The following AGPAT3 variants were observed in gnomAD, a reference collection of about 807,000 sequenced individuals.
AGPAT3 encodes the protein 1-acylglycerol-3-phosphate O-acyltransferase 3, also known as 1-acyl-sn-glycerol-3-phosphate acyltransferase gamma.
Under a neutral mutation model 47.3 loss-of-function variants are expected in AGPAT3, and 5 were observed. The observed-to-expected ratio is 0.11, with a 90% CI of 0.06 to 0.22. AGPAT3 has a LOEUF of 0.22. Ranked by LOEUF, AGPAT3 falls within the 10% of genes least tolerant of loss-of-function variation. The pLI is 1.00. For missense variants in AGPAT3, 315 were observed against 493.0 expected (o/e 0.64, Z 3.42); for synonymous variants, 212 against 208.3 (o/e 1.02, Z -0.15).
In AGPAT3 at chr21:43,952,461, T is replaced by C. The variant is rs902881104; in HGVS notation, c.-48-7173T>C. On this transcript the variant is annotated intron_variant, in intron 2 of 9. Transcript: ENST00000291572. This position sits in a 1 kb window ranked among gnomAD's most constrained non-coding sequence, Gnocchi z 5.6. Reference sequence around the variant, plus strand: ...AGAATTGGGTGTGGGCGTGTGGGGCTGGGCTCTGATTGGCAAGCAGTGCTC... The same window carrying C: ...AGAATTGGGTGTGGGCGTGTGGGGCCGGGCTCTGATTGGCAAGCAGTGCTC... Among the ~76,000 whole-genome samples, 4 of 152,184 alleles carry C rather than the reference T, an allele frequency of 2.6e-5. No individual in the cohort carries two copies. The highest frequency in any genetic ancestry group is 9.7e-5 in the African/African-American group (4 of 41,434).
chr21:43,894,221 T>C (rs184041620), intron 1 of AGPAT3, among the ~76,000 whole-genome samples: 2,315 of 148,440 alleles, frequency 0.016, 43 homozygotes, highest in Admixed American at 0.051. Context: ...TTCTTTCTTT[T>C]TTTTTTTTTT....
chr21:43,917,590 C>A (rs1405246723), intron 2 of AGPAT3, among the ~76,000 whole-genome samples: 4 of 152,068 alleles, frequency 2.6e-5, no homozygotes, highest in Admixed American at 2.6e-4. Context: ...CCAAAGCTAG[C>A]TTAGGGGAAG....
intron 1 of AGPAT3, among the ~76,000 whole-genome samples, chr21:43,893,410 T>C (rs2086142736): frequency 6.6e-6 from 1 of 152,218 alleles, no homozygotes; most frequent in South Asian, 2.1e-4. Flanking sequence ...CACTCGAACT[T>C]TCTCCATATC....
chr21:43,933,623 G>T lies in AGPAT3; in HGVS notation c.-48-26011G>T, dbSNP rs1198153244. ...TTTCTTTATGGTTGAGGAAACTGAG[G>T]CACAGCTTGGAAGCGGTTGGCACTG... is the stretch of plus-strand genomic sequence containing the variant. On this transcript the variant is annotated intron_variant, in intron 2 of 9. Transcript: ENST00000291572. This position sits in a 1 kb window ranked among gnomAD's most constrained non-coding sequence, Gnocchi z 6.0. 6.6e-6 allele frequency among the ~76,000 whole-genome samples: 1 copy of T among 152,054 alleles called. No individual in the cohort carries two copies. The highest frequency in any genetic ancestry group is 1.9e-4 in the East Asian group (1 of 5,198).
Position 43,883,301 on chromosome 21 carries a change from C to A in AGPAT3, c.-112+17956C>A, listed in dbSNP as rs146413252. Reference sequence around the variant, plus strand: ...AGCCCAGAGTCCATGGTGCTGTGGCCTCCTGCCCACTCTGGGACCCCAGGG... The same window carrying A: ...AGCCCAGAGTCCATGGTGCTGTGGCATCCTGCCCACTCTGGGACCCCAGGG... On this transcript the variant is annotated intron_variant, in intron 1 of 9. Coordinates refer to ENST00000291572, the MANE Select transcript of AGPAT3 (RefSeq NM_020132.5). Among the ~76,000 whole-genome samples the A allele has an allele frequency of 2.5e-4, 38 of 152,370 alleles. No individual in the cohort carries two copies. The East Asian group carries it at 6.4e-3, about 26-fold the overall frequency.
At chr21:43,960,801 G>A (rs935791621) in intron 3 of AGPAT3, 2 of 982,478 alleles carry the variant, frequency 2.0e-6, no homozygotes, top group Admixed American at 1.2e-4. Flanking sequence ...TTCATTTTGT[G>A]TCTTAAGAAA....
chr21:43,902,208 C>T (rs555835772), intron 1 of AGPAT3, among the ~76,000 whole-genome samples: 1 of 152,272 alleles, frequency 6.6e-6, no homozygotes, highest in East Asian at 1.9e-4. Flanking sequence ...GGTTTCTGAT[C>T]AGAAACTATA....
chr21:43,965,321 TTTTGAACTCACTGCCA>T (rs1211027568), intron 3 of AGPAT3: 1 of 152,330 alleles, frequency 6.6e-6, no homozygotes, highest in Non-Finnish European at 1.5e-5. Context: ...TTGCTGCCCA[TTTTGAACTCACTGCCA>T]GTGTGTCTCT....
intron 3 of AGPAT3, chr21:43,964,946 T>A (rs1033830484): frequency 6.2e-6 from 1 of 160,876 alleles, no homozygotes; most frequent in African/African-American, 2.4e-5. Flanking sequence ...TGTTTGTTTT[T>A]GAGACAGGGT....
Position 43,959,625 on chromosome 21 carries a change from T to C in AGPAT3, c.-48-9T>C, listed in dbSNP as rs1294341329. 6.2e-7 allele frequency: 1 copy of C among 1,603,138 alleles called. No individual in the cohort carries two copies. Among genetic ancestry groups the C allele is most frequent in the Non-Finnish European group, 8.5e-7 (1 of 1,179,286 alleles). ...CACCCTGACGCTGTCCCTGTCCCTG[T>C]CTTTGCAGGACGGCTGTCCTCAGCG... On this transcript the variant is annotated splice_polypyrimidine_tract_variant and intron_variant, in intron 2 of 9. Transcript: ENST00000291572.
Position 43,886,028 on chromosome 21 carries a change from C to T in AGPAT3, c.-111-17929C>T, listed in dbSNP as rs548777795. 2.6e-5 allele frequency among the ~76,000 whole-genome samples: 4 copies of T among 152,330 alleles called. No individual in the cohort carries two copies. The East Asian group carries it at 7.7e-4, about 29-fold the overall frequency. On this transcript the variant is annotated intron_variant, in intron 1 of 9. Transcript: ENST00000291572. Reference sequence around the variant, plus strand: ...TTGCAAAGCCGGGGCAGCGACATGGCAATCGTGATGCCATAGGAAGCCGAA... The same window carrying T: ...TTGCAAAGCCGGGGCAGCGACATGGTAATCGTGATGCCATAGGAAGCCGAA...
chr21:43,952,854 C>T lies in AGPAT3; in HGVS notation c.-48-6780C>T, dbSNP rs968227104. Among the ~76,000 whole-genome samples the T allele has an allele frequency of 4.6e-5, 7 of 151,956 alleles. No homozygotes were observed. The highest frequency in any genetic ancestry group is 1.7e-4 in the African/African-American group (7 of 41,376). On this transcript the variant is annotated intron_variant, in intron 2 of 9. Transcript: ENST00000291572. This position sits in a 1 kb window ranked among gnomAD's most constrained non-coding sequence, Gnocchi z 5.6. ...AGAAATCAGATGGAGCCCCAGAGGT[C>T]CCACCCCTGAGGTCCCACCCTGTGT...
chr21:43,895,772 C>T (rs895636923), intron 1 of AGPAT3, among the ~76,000 whole-genome samples: 2 of 151,420 alleles, frequency 1.3e-5, no homozygotes, highest in African/African-American at 2.4e-5. Flanking sequence ...CTTTGTTTTT[C>T]GTGGGTTTTT....
chr21:43,953,958 G>A (rs1320524306), intron 2 of AGPAT3, among the ~76,000 whole-genome samples: 1 of 152,198 alleles, frequency 6.6e-6, no homozygotes, highest in Non-Finnish European at 1.5e-5. Context: ...TGATGGCATC[G>A]CTGCCCTCCA....
At chr21:43,891,955 TC>T (rs2086111802) in intron 1 of AGPAT3, among the ~76,000 whole-genome samples, 1 of 152,184 alleles carries the variant, frequency 6.6e-6, no homozygotes, top group African/African-American at 2.4e-5. Flanking sequence ...GGAATCACTA[TC>T]CATGGCAGCT....
Position 43,984,346 on chromosome 21 carries a change from A to G in AGPAT3, c.*1954A>G, listed in dbSNP as rs1601497982. 6.6e-6 allele frequency: 1 copy of G among 152,452 alleles called. No individual in the cohort carries two copies. The highest frequency in any genetic ancestry group is 1.9e-4 in the East Asian group (1 of 5,182). 9.4% of individuals were successfully genotyped at this position (152,452 alleles called of 1,614,324 possible). On this transcript the variant is annotated 3_prime_UTR_variant, in exon 10 of 10. Transcript: ENST00000291572. ...CTCCATGTGTGTTTAGATCCATGCC[A>G]TTCACTGACTCACTAACACCTGCAA...
At position 43,911,984 on chromosome 21, in the gene AGPAT3, C is replaced by T. The variant is rs897896569; in HGVS notation, c.-49+7965C>T. On this transcript the variant is annotated intron_variant, in intron 2 of 9. Coordinates refer to ENST00000291572, the MANE Select transcript of AGPAT3 (RefSeq NM_020132.5). ...CTGGAGCTTCCAGGCTGGGCCCCAG[C>T]GCATCTTGCTCTGCTGGTTTGGCAT... Among the ~76,000 whole-genome samples the T allele has an allele frequency of 3.3e-5, 5 of 152,250 alleles. No individual in the cohort carries two copies. In the East Asian group the frequency reaches 5.8e-4, roughly 18 times the overall value.
At chr21:43,893,147 T>G (rs1235823161) in intron 1 of AGPAT3, among the ~76,000 whole-genome samples, 1 of 152,180 alleles carries the variant, frequency 6.6e-6, no homozygotes, top group Non-Finnish European at 1.5e-5. Context: ...TCAGTGATCT[T>G]AGCTCCATCT....
intron 1 of AGPAT3, among the ~76,000 whole-genome samples, chr21:43,868,389 C>T (rs1380602321): frequency 1.3e-5 from 2 of 152,126 alleles, no homozygotes; most frequent in South Asian, 2.1e-4. Context: ...TCCTGGCTAG[C>T]GTGCCCTGTG....
Sources: gnomAD v4.1 joint callset for allele counts (sites outside exome capture counted in the v4.1 genomes callset) on GRCh38, gnomAD v4.1.1 for gene constraint, Gnocchi (gnomAD v3.1) non-coding constraint, MANE v1.5 for transcripts, NCBI Gene and HGNC (gene_info 2026-07-23, HGNC 2026-07-21) for gene names.